KMT2C: variants seen among roughly 807,000 people sequenced by gnomAD.
KMT2C encodes histone-lysine N-methyltransferase 2C.
KMT2C carries 88 observed loss-of-function variants against 507.9 expected under a neutral mutation model. The observed-to-expected ratio is 0.17, with a 90% CI of 0.15 to 0.21. The LOEUF is 0.21. KMT2C is among the 10% of genes least tolerant of loss of function. The probability of loss-of-function intolerance (pLI) is 1.00; values close to 1 mark genes in which losing one functional copy is unlikely to be tolerated. For missense variants in KMT2C, 4,954 were observed against 5,957.8 expected, an observed-to-expected ratio of 0.83 and a Z score of 5.55; for synonymous variants, 2,049 against 2,080.8, an observed-to-expected ratio of 0.98 and a Z score of 0.42.
intron 12 of KMT2C, among the ~76,000 whole-genome samples, chr7:152,250,584 C>T (rs568505701): frequency 1.2e-4 from 19 of 152,270 alleles, no homozygotes; most frequent in African/African-American, 4.6e-4. Flanking sequence ...GCAACTACAA[C>T]TAAAGAAATA....
intron 6 of KMT2C, among the ~76,000 whole-genome samples, chr7:152,292,345 C>T (rs957311675): frequency 3.3e-5 from 5 of 152,134 alleles, no homozygotes; most frequent in African/African-American, 4.8e-5. Flanking sequence ...CACACACACA[C>T]ATACTGACAA....
chr7:152,255,809 G>GA, intron 9 of KMT2C, among the ~76,000 whole-genome samples: 2 of 152,258 alleles, frequency 1.3e-5, no homozygotes, highest in East Asian at 3.9e-4. Context: ...TAGCCAGTTG[G>GA]AAAAAGATAC....
Position 152,290,220 on chromosome 7 carries a change from ATGTGTGTGTGTG to A in KMT2C, c.850-16365_850-16354del, listed in dbSNP as rs71198772. ...GTAGTCTAATAAATTTTATATATAT[ATGTGTGTGTGTG>A]TGTGTGTGTGTGTGTGTGTGTATGT... On this transcript the variant is annotated intron_variant, in intron 6 of 58. Transcript: ENST00000262189. Among the ~76,000 whole-genome samples the A allele has an allele frequency of 9.3e-5, 8 of 86,294 alleles. No homozygotes were observed. In the South Asian group the frequency reaches 1.5e-3, roughly 17 times the overall value. 56.6% of individuals were successfully genotyped at this position (86,294 alleles called of 152,430 possible).
chr7:152,296,997 AAAAG>A (rs61473498), intron 6 of KMT2C, among the ~76,000 whole-genome samples: 1,971 of 58,944 alleles, frequency 0.033, 55 homozygotes, highest in Middle Eastern at 0.043. Context: ...GAAAGAAAGA[AAAAG>A]AAAGAAAGAA....
chr7:152,253,913 G>A (rs2129167528), intron 9 of KMT2C, among the ~76,000 whole-genome samples: 1 of 152,086 alleles, frequency 6.6e-6, no homozygotes, highest in Middle Eastern at 3.4e-3. Flanking sequence ...TAAAACCCTG[G>A]GTATCCCTGG....
intron 6 of KMT2C, among the ~76,000 whole-genome samples, chr7:152,278,950 T>G (rs2096145510): frequency 6.6e-6 from 1 of 152,300 alleles, no homozygotes; most frequent in South Asian, 2.1e-4. Flanking sequence ...TCGGGTTTGA[T>G]TCAAACAGAC....
rs73161892 is a variant in KMT2C, at chr7:152,181,521, T to C, written c.6339A>G (p.Ser2113=). The C allele has an allele frequency of 1.5e-4, 250 of 1,613,914 alleles. No individual in the cohort carries two copies. Among genetic ancestry groups the C allele is most frequent in the Non-Finnish European group, 1.9e-4 (223 of 1,179,990 alleles). ...PAVNESFAHP[S]RAFSQPGTIS... ...TGGTTCCAGGCTGGGAAAAAGCCCTTGAAGGATGGGCAAAAGATTCATTCA... is the reference window on the plus strand; with the variant it reads ...TGGTTCCAGGCTGGGAAAAAGCCCTCGAAGGATGGGCAAAAGATTCATTCA... The change falls in exon 36 of 59, where the codon TCA becomes TCG. Residue 2113 remains serine, a synonymous_variant. Coordinates refer to ENST00000262189, the MANE Select transcript of KMT2C (RefSeq NM_170606.3).
At chr7:152,260,514 G>A (rs2095751218) in intron 9 of KMT2C, among the ~76,000 whole-genome samples, 1 of 151,882 alleles carries the variant, frequency 6.6e-6, no homozygotes, top group Non-Finnish European at 1.5e-5. Flanking sequence ...GTGGCGTGGG[G>A]GATGGGGACT....
intron 1 of KMT2C, among the ~76,000 whole-genome samples, chr7:152,430,751 C>T (rs1247104177): frequency 2.0e-5 from 3 of 152,166 alleles, no homozygotes; most frequent in African/African-American, 7.2e-5. Context: ...TCTCAAACTC[C>T]TTTTAAATGA....
Position 152,156,260 on chromosome 7 carries a change from A to G in KMT2C, c.11757T>C (p.Gly3919=), listed in dbSNP as rs1178486866. ...CAGCAAGTTCTTCAGTTGTTGCAAA[A>G]CCATTGGCCATCTTCTGACAAGCCA... ...PPMACQKMAN[G]FATTEELAGK... Residue 3919 remains glycine, a synonymous_variant, in exon 45 of 59, where the codon GGT becomes GGC. Coordinates refer to ENST00000262189, the MANE Select transcript of KMT2C (RefSeq NM_170606.3). 2.5e-6 allele frequency: 4 copies of G among 1,613,952 alleles called. No homozygotes were observed. The highest frequency in any genetic ancestry group is 2.7e-5 in the African/African-American group (2 of 74,886).
chr7:152,371,458 A>G (rs1232704748), intron 1 of KMT2C, among the ~76,000 whole-genome samples: 2 of 152,228 alleles, frequency 1.3e-5, no homozygotes, highest in Admixed American at 6.5e-5. Flanking sequence ...AGACAGCAAG[A>G]GAGGAAGACT....
intron 38 of KMT2C, among the ~76,000 whole-genome samples, chr7:152,174,722 A>C (rs1402324819): frequency 6.6e-6 from 1 of 152,206 alleles, no homozygotes; most frequent in Admixed American, 6.5e-5. Context: ...CAAAATGATG[A>C]AATTGGGGAT....
intron 6 of KMT2C, among the ~76,000 whole-genome samples, chr7:152,303,098 C>T (rs974692238): frequency 2.0e-5 from 3 of 152,146 alleles, no homozygotes; most frequent in Non-Finnish European, 4.4e-5. Flanking sequence ...CGACGTTACC[C>T]TTCCTGAAAC....
chr7:152,353,743 C>T (rs1189272298), intron 2 of KMT2C, among the ~76,000 whole-genome samples: 1 of 152,166 alleles, frequency 6.6e-6, no homozygotes, highest in Non-Finnish European at 1.5e-5. Context: ...AAGCAATCCA[C>T]CCACCTAGGC....
chr7:152,221,233 G>A (rs2094759064), intron 22 of KMT2C, among the ~76,000 whole-genome samples: 1 of 152,142 alleles, frequency 6.6e-6, no homozygotes, highest in African/African-American at 2.4e-5. Flanking sequence ...CTCCAGCCTG[G>A]GCGACAGGGC....
At position 152,194,094 on chromosome 7, in the gene KMT2C, T is replaced by G. The variant is rs768649580; in HGVS notation, c.4575A>C (p.Thr1525=). 1 of 1,586,406 alleles carries G rather than the reference T, an allele frequency of 6.3e-7. No homozygotes were observed. The highest frequency in any genetic ancestry group is 8.5e-7 in the Non-Finnish European group (1 of 1,171,256). Residue 1525 remains threonine, a synonymous_variant, in exon 31 of 59, where the codon ACA becomes ACC. Transcript: ENST00000262189. The stretch of plus-strand genomic sequence containing the variant: ...GAGTGTTCGCAGGACTAAGTACAGC[T>G]GTAAATAAGTCTTCAACATCTTTTC... ...LGGKDVEDLF[T]AVLSPANTQP...
chr7:152,320,819 G>A (rs1004735782), intron 3 of KMT2C, among the ~76,000 whole-genome samples: 2 of 151,930 alleles, frequency 1.3e-5, no homozygotes, highest in Non-Finnish European at 2.9e-5. Flanking sequence ...AATATTTCAA[G>A]AGTGGATTAC....
At chr7:152,350,259 T>A (rs189200179) in intron 2 of KMT2C, among the ~76,000 whole-genome samples, 1 of 151,366 alleles carries the variant, frequency 6.6e-6, no homozygotes, top group Non-Finnish European at 1.5e-5. Context: ...TCAAAAAAAA[T>A]AAATAAATAA....
intron 23 of KMT2C, among the ~76,000 whole-genome samples, chr7:152,214,189 A>G (rs915951952): frequency 2.0e-5 from 3 of 152,044 alleles, no homozygotes. Flanking sequence ...AACTACCACC[A>G]TAAGATCCAA....
Sources: gnomAD v4.1 joint callset for allele counts (sites outside exome capture counted in the v4.1 genomes callset) on GRCh38, gnomAD v4.1.1 for gene constraint, MANE v1.5 for transcripts, NCBI Gene and HGNC (gene_info 2026-07-23, HGNC 2026-07-21) for gene names.